Variants in PCED1B observed in about 807,000 individuals in gnomAD.
PCED1B encodes the protein PC-esterase domain containing 1B.
For missense variants in PCED1B, 573 were observed against 573.9 expected (o/e 1.00, Z 0.02); for synonymous variants, 251 against 246.1 (o/e 1.02, Z -0.19).
intron 3 of PCED1B, among the ~76,000 whole-genome samples, chr12:47,229,964 C>T (rs148944825): frequency 0.013 from 2,000 of 150,926 alleles, 51 homozygotes; most frequent in African/African-American, 0.045. Flanking sequence ...TTAGTAGAGA[C>T]GGGGTTTCAC....
intron 1 of PCED1B, among the ~76,000 whole-genome samples, chr12:47,103,100 GT>G (rs1300121160): frequency 6.6e-6 from 1 of 151,802 alleles, no homozygotes; most frequent in Non-Finnish European, 1.5e-5. Flanking sequence ...CAAGAACAGA[GT>G]TTTAAAAAAA....
intron 2 of PCED1B, among the ~76,000 whole-genome samples, chr12:47,127,147 T>C (rs956379161): frequency 4.8e-4 from 73 of 152,304 alleles, no homozygotes; most frequent in African/African-American, 1.6e-3. Flanking sequence ...TTTAGCACTA[T>C]AAACTGTCCT....
At chr12:47,171,436 T>A (rs954253528) in intron 2 of PCED1B, among the ~76,000 whole-genome samples, 6 of 152,200 alleles carry the variant, frequency 3.9e-5, no homozygotes, top group African/African-American at 1.4e-4. Flanking sequence ...ATTATTAGAT[T>A]TCTCTTGCAG....
At chr12:47,215,263 T>A (rs1226108440) in intron 2 of PCED1B, among the ~76,000 whole-genome samples, 1 of 151,776 alleles carries the variant, frequency 6.6e-6, no homozygotes, top group East Asian at 1.9e-4. Flanking sequence ...ACCCTTTTTT[T>A]TTTTTTAAAG....
chr12:47,190,995 G>A (rs976399245), intron 2 of PCED1B, among the ~76,000 whole-genome samples: 5 of 152,164 alleles, frequency 3.3e-5, no homozygotes, highest in Non-Finnish European at 5.9e-5. Flanking sequence ...AGAAAAACCA[G>A]TTCATTAATC....
At chr12:47,119,966 CATA>C (rs57171859) in intron 2 of PCED1B, among the ~76,000 whole-genome samples, 52 of 148,280 alleles carry the variant, frequency 3.5e-4, no homozygotes, top group Non-Finnish European at 4.9e-4. Flanking sequence ...ACTCTGTCTC[CATA>C]ATAATAATAA....
intron 1 of PCED1B, among the ~76,000 whole-genome samples, chr12:47,100,295 T>G (rs1457744632): frequency 6.6e-6 from 1 of 152,202 alleles, no homozygotes; most frequent in Non-Finnish European, 1.5e-5. Context: ...TATGTTCTTG[T>G]CTTTTCTGGT....
chr12:47,108,140 G>A (rs1339279989), intron 2 of PCED1B, among the ~76,000 whole-genome samples: 1 of 152,164 alleles, frequency 6.6e-6, no homozygotes, highest in Admixed American at 6.5e-5. Flanking sequence ...CTTGCAAGAT[G>A]ATGAGGATTT....
chr12:47,118,757 A>G (rs973442568), intron 2 of PCED1B, among the ~76,000 whole-genome samples: 1 of 152,176 alleles, frequency 6.6e-6, no homozygotes, highest in African/African-American at 2.4e-5. Flanking sequence ...TGGGGATGGC[A>G]TTGAATCTAT....
At chr12:47,099,765 A>G (rs570077164) in intron 1 of PCED1B, among the ~76,000 whole-genome samples, 35 of 152,334 alleles carry the variant, frequency 2.3e-4, no homozygotes, top group Non-Finnish European at 4.4e-4. Context: ...GCCCAGTCAT[A>G]TTCATAAAGT....
chr12:47,109,171 AT>A (rs1302734306), intron 2 of PCED1B, among the ~76,000 whole-genome samples: 3 of 152,084 alleles, frequency 2.0e-5, no homozygotes, highest in African/African-American at 7.2e-5. Context: ...TGTAGAAGAA[AT>A]TTTCAAGAAG....
chr12:47,165,118 A>G (rs1249907191), intron 2 of PCED1B, among the ~76,000 whole-genome samples: 1 of 152,216 alleles, frequency 6.6e-6, no homozygotes, highest in Non-Finnish European at 1.5e-5. Flanking sequence ...CAAATTCCCA[A>G]CTGGGATTAT....
intron 3 of PCED1B, among the ~76,000 whole-genome samples, chr12:47,220,791 G>A (rs959611240): frequency 2.6e-5 from 4 of 152,210 alleles, no homozygotes; most frequent in Non-Finnish European, 5.9e-5. Context: ...CTATCTAGGA[G>A]AGTAGGGAAG....
At chr12:47,084,947 G>A (rs1390029308) in intron 1 of PCED1B, among the ~76,000 whole-genome samples, 2 of 152,138 alleles carry the variant, frequency 1.3e-5, no homozygotes, top group Admixed American at 1.3e-4. Context: ...GACCAGCCTG[G>A]CCAACATCTC....
rs1247172092 is a variant in PCED1B at position 47,235,125 on chromosome 12, T to C, written c.62T>C (p.Leu21Pro). 2 of 1,541,178 alleles carry C rather than the reference T, an allele frequency of 1.3e-6. No homozygotes were observed. The highest frequency in any genetic ancestry group is 2.5e-5 in the South Asian group (2 of 78,528). Reference protein sequence around the residue: ...QLLHNKFVVILGDSVHRAVYK... With the variant: ...QLLHNKFVVIPGDSVHRAVYK... ...CTTCACAATAAGTTCGTGGTCATCC[T>C]GGGGGACTCTGTGCATAGGGCAGTA... The change falls in exon 4 of 4, where the codon CTG becomes CCG. Residue 21 changes from leucine (L) to proline (P), a missense_variant. Coordinates refer to ENST00000546455, the MANE Select transcript of PCED1B (RefSeq NM_138371.3).
intron 2 of PCED1B, among the ~76,000 whole-genome samples, chr12:47,191,877 A>G (rs1214832297): frequency 3.3e-5 from 5 of 151,492 alleles, no homozygotes; most frequent in African/African-American, 1.2e-4. Context: ...TGCCAATCTG[A>G]GTCCATTACC....
At chr12:47,093,647 ATTTAAG>A (rs1469468645) in intron 1 of PCED1B, among the ~76,000 whole-genome samples, 1 of 151,690 alleles carries the variant, frequency 6.6e-6, no homozygotes, top group Admixed American at 6.6e-5. Context: ...GATTTTTATT[ATTTAAG>A]TTTAAGAACT....
chr12:47,159,661 A>C (rs772790592), intron 2 of PCED1B, among the ~76,000 whole-genome samples: 3 of 151,954 alleles, frequency 2.0e-5, no homozygotes, highest in Non-Finnish European at 4.4e-5. Flanking sequence ...AACATTTTGC[A>C]AATATTTTCT....
chr12:47,225,146 G>A (rs1052515882), intron 3 of PCED1B, among the ~76,000 whole-genome samples: 22 of 152,078 alleles, frequency 1.4e-4, no homozygotes, highest in Admixed American at 1.4e-3. Flanking sequence ...TGGCCACGTT[G>A]GTCTCGAACT....
Sources: allele counts gnomAD v4.1 joint callset (sites outside exome capture counted in the v4.1 genomes callset), GRCh38; gene constraint gnomAD v4.1.1; transcripts MANE v1.5; gene names NCBI Gene and HGNC (gene_info 2026-07-23, HGNC 2026-07-21).